The following FZD3 variants were observed in gnomAD, a reference collection of about 807,000 sequenced individuals.
FZD3 encodes frizzled-3.
Under a neutral mutation model 60.7 loss-of-function variants are expected in FZD3, and 30 were observed. The observed-to-expected ratio is 0.49, with a 90% confidence interval of 0.37 to 0.67. FZD3 has a LOEUF of 0.67. Among genes scored for constraint, FZD3 ranks in the 30% least tolerant of loss-of-function variants. FZD3 has a pLI of 0.00. For missense variants in FZD3, 605 were observed against 838.7 expected (o/e 0.72, Z 3.44); for synonymous variants, 246 against 275.2 (o/e 0.89, Z 1.05).
At chr8:28,501,193 T>C (rs1359816726) in intron 2 of FZD3, among the ~76,000 whole-genome samples, 1 of 152,232 alleles carries the variant, frequency 6.6e-6, no homozygotes, top group Non-Finnish European at 1.5e-5. Context: ...GGGTTTGCTT[T>C]TACCTTAGTT....
At chr8:28,538,788 C>T (rs1379894747) in intron 5 of FZD3, among the ~76,000 whole-genome samples, 1 of 148,208 alleles carries the variant, frequency 6.7e-6, no homozygotes, top group Non-Finnish European at 1.5e-5. Flanking sequence ...CCATAAACCA[C>T]AACTTGTTTT....
At chr8:28,510,807 C>T (rs145437737) in intron 3 of FZD3, among the ~76,000 whole-genome samples, 2,895 of 151,988 alleles carry the variant, frequency 0.019, 42 homozygotes, top group Non-Finnish European at 0.027. Context: ...GAGGCCGAGG[C>T]GGGCGGATCA....
At chr8:28,512,101 G>A (rs1183941755) in intron 3 of FZD3, among the ~76,000 whole-genome samples, 1 of 152,144 alleles carries the variant, frequency 6.6e-6, no homozygotes. Flanking sequence ...TTGAATACTA[G>A]TATTTTACTT....
At chr8:28,530,031 A>G (rs574512243) in intron 5 of FZD3, among the ~76,000 whole-genome samples, 48 of 151,864 alleles carry the variant, frequency 3.2e-4, no homozygotes, top group African/African-American at 1.1e-3. Flanking sequence ...TTTTTTCATG[A>G]CATACCTAGA....
intron 5 of FZD3, among the ~76,000 whole-genome samples, chr8:28,550,988 A>G (rs985941721): frequency 2.6e-5 from 4 of 152,130 alleles, no homozygotes; most frequent in African/African-American, 9.7e-5. Context: ...AAGTTCATCT[A>G]CATCACCACT....
chr8:28,551,560 T>G, intron 5 of FZD3, 43 bp from the exon 6 acceptor site: 1 of 1,427,960 alleles, frequency 7.0e-7, no homozygotes, highest in African/African-American at 1.4e-5. Context: ...TAATAGAAAG[T>G]TATTTTTATA....
rs148849194 is a variant in FZD3, at chr8:28,556,979, T to A, written c.1787+1008T>A. On this transcript the variant is annotated intron_variant, in intron 7 of 7. Transcript: ENST00000240093. The stretch of plus-strand genomic sequence containing the variant: ...GCTTTTCAGTAATTCTTTTGAGAGA[T>A]GATAAAGGCTTCTAGGAGAATGGTG... Among the ~76,000 whole-genome samples the A allele has an allele frequency of 4.6e-5, 7 of 152,234 alleles. 1 individual carries two copies. The East Asian group carries it at 1.4e-3, about 29-fold the overall frequency.
chr8:28,532,461 C>T (rs1015499475), intron 5 of FZD3, among the ~76,000 whole-genome samples: 1 of 152,160 alleles, frequency 6.6e-6, no homozygotes, highest in Non-Finnish European at 1.5e-5. Flanking sequence ...CAAAGTCTCG[C>T]TCTGTTGCCT....
At position 28,509,378 on chromosome 8, in the gene FZD3, T is replaced by C. The variant is rs114281392; in HGVS notation, c.189+6176T>C. Reference sequence around the variant, plus strand: ...TCTTTCACCTTTTTTGATACAGTTATAACGTTTGTTTTCCCCACACTGGTT... The same window carrying C: ...TCTTTCACCTTTTTTGATACAGTTACAACGTTTGTTTTCCCCACACTGGTT... On this transcript the variant is annotated intron_variant, in intron 3 of 7. Transcript: ENST00000240093. Among the ~76,000 whole-genome samples, 1,398 of 152,028 alleles carry C rather than the reference T, an allele frequency of 9.2e-3. 25 individuals are homozygous for C. Among genetic ancestry groups the C allele is most frequent in the African/African-American group, 0.032 (1,311 of 41,524 alleles).
At position 28,566,314 on chromosome 8, in the gene FZD3, G is replaced by A. The variant is rs887966511; in HGVS notation, c.*3303G>A. ...CACTATTATAATTAAAGAAATATAT[G>A]TACAGACATGTACCAATCCTTTTAA... is the stretch of plus-strand genomic sequence containing the variant. On this transcript the variant is annotated 3_prime_UTR_variant, in exon 8 of 8. Coordinates refer to ENST00000240093, the MANE Select transcript of FZD3 (RefSeq NM_017412.4). 1.3e-5 allele frequency: 2 copies of A among 152,128 alleles called. No homozygotes were observed. The highest frequency in any genetic ancestry group is 4.8e-5 in the African/African-American group (2 of 41,436). The allele number at this position is 152,128 out of a possible 1,614,324, so 9.4% of individuals were successfully genotyped here. A position where few individuals can be genotyped will look rare whatever the true frequency, so the allele number is the denominator to read the frequency against.
chr8:28,548,198 A>G (rs891104290), intron 5 of FZD3, among the ~76,000 whole-genome samples: 2 of 148,446 alleles, frequency 1.3e-5, no homozygotes, highest in African/African-American at 5.0e-5. Context: ...TCATGGTTAG[A>G]AAGTCACTCT....
At chr8:28,533,272 A>G (rs949413450) in intron 5 of FZD3, among the ~76,000 whole-genome samples, 4 of 151,850 alleles carry the variant, frequency 2.6e-5, no homozygotes, top group African/African-American at 9.7e-5. Flanking sequence ...TCCTGGCCTC[A>G]GGGATCCTCC....
intron 4 of FZD3, among the ~76,000 whole-genome samples, chr8:28,523,056 C>T (rs1158999544): frequency 6.6e-6 from 1 of 152,132 alleles, no homozygotes; most frequent in Non-Finnish European, 1.5e-5. Flanking sequence ...AGGCGTGAGC[C>T]ACCGTGCCCA....
At chr8:28,516,862 TATG>T (rs1310266113) in intron 3 of FZD3, among the ~76,000 whole-genome samples, 3 of 152,182 alleles carry the variant, frequency 2.0e-5, no homozygotes, top group African/African-American at 7.2e-5. Flanking sequence ...CCCTAAAAAT[TATG>T]ATGTGTACTT....
intron 7 of FZD3, among the ~76,000 whole-genome samples, 174 bp downstream of exon 7, chr8:28,556,145 G>T (rs1156372872): frequency 1.3e-5 from 2 of 152,216 alleles, no homozygotes; most frequent in Non-Finnish European, 2.9e-5. Context: ...GAATTGTTTA[G>T]ATTTGATGGA....
At position 28,569,414 on chromosome 8, in the gene FZD3, G is replaced by A. The variant is rs943793547; in HGVS notation, c.*6403G>A. The A allele has an allele frequency of 6.6e-6, 1 of 151,390 alleles. No individual in the cohort carries two copies. Among genetic ancestry groups the A allele is most frequent in the Non-Finnish European group, 1.5e-5 (1 of 67,840 alleles). The allele number at this position is 151,390 out of a possible 1,614,324, so 9.4% of individuals were successfully genotyped here. A position where few individuals can be genotyped will look rare whatever the true frequency, so the allele number is the denominator to read the frequency against. On this transcript the variant is annotated 3_prime_UTR_variant, in exon 8 of 8. Transcript: ENST00000240093. ...TGGATAAGGCATTTTATCTCGTGGT[G>A]CCTCCATTTTTCTCATTCTCTAGGG...
intron 3 of FZD3, among the ~76,000 whole-genome samples, chr8:28,503,429 G>GTCTA (rs1804052651): frequency 6.6e-6 from 1 of 152,128 alleles, no homozygotes; most frequent in Non-Finnish European, 1.5e-5. Context: ...CTTTTATAAA[G>GTCTA]AAATTTGAAA....
chr8:28,538,510 A>AC (rs972640281), intron 5 of FZD3, among the ~76,000 whole-genome samples: 7 of 152,152 alleles, frequency 4.6e-5, no homozygotes, highest in Admixed American at 3.9e-4. Flanking sequence ...CCCAAGTCAT[A>AC]CAGTAAGTTA....
At chr8:28,544,972 A>G (rs981967206) in intron 5 of FZD3, among the ~76,000 whole-genome samples, 3 of 152,188 alleles carry the variant, frequency 2.0e-5, no homozygotes, top group African/African-American at 7.2e-5. Context: ...TCAGTGTACT[A>G]GTTCAGTCCC....
Sources: gnomAD v4.1 joint callset for allele counts (sites outside exome capture counted in the v4.1 genomes callset) on GRCh38, gnomAD v4.1.1 for gene constraint, MANE v1.5 for transcripts, NCBI Gene and HGNC (gene_info 2026-07-23, HGNC 2026-07-21) for gene names.